FIRRM: variants seen among roughly 807,000 people sequenced by gnomAD.
FIRRM encodes FIGNL1-interacting regulator of recombination and mitosis.
the FIRRM span, among the ~76,000 whole-genome samples, chr1:169,826,342 C>T: frequency 1.3e-3 from 189 of 147,388 alleles, no homozygotes; most frequent in Admixed American, 3.2e-3. Context: ...GGATTACAGG[C>T]GTGAGCCACC....
At chr1:169,815,127 C>T in the FIRRM span, among the ~76,000 whole-genome samples, 1 of 151,808 alleles carries the variant, frequency 6.6e-6, no homozygotes, top group African/African-American at 2.4e-5. Context: ...AAAACCCCAT[C>T]TCTACTAAAA....
At chr1:169,851,979 A>G in the FIRRM span, 1 of 1,613,598 alleles carries the variant, frequency 6.2e-7, no homozygotes, top group Non-Finnish European at 8.5e-7. Flanking sequence ...AACAAGGCAA[A>G]TTCTGCCCTT....
the FIRRM span, chr1:169,851,744 T>C: frequency 6.4e-7 from 1 of 1,552,238 alleles, no homozygotes; most frequent in Non-Finnish European, 8.7e-7. Context: ...AGCACTTAAA[T>C]TATGTGGCCA....
At chr1:169,821,722 G>T in the FIRRM span, 1 of 1,611,848 alleles carries the variant, frequency 6.2e-7, no homozygotes, top group Non-Finnish European at 8.5e-7. Flanking sequence ...CTCAAATTGT[G>T]TCGTTTTTTT....
chr1:169,811,652 CTAGATAGA>C, the FIRRM span, among the ~76,000 whole-genome samples: 1 of 150,540 alleles, frequency 6.6e-6, no homozygotes, highest in African/African-American at 2.5e-5. Flanking sequence ...GAGAGCTTGT[CTAGATAGA>C]TAGATAGATA....
chr1:169,794,939 G>A, the FIRRM span: 47 of 612,534 alleles, frequency 7.7e-5, 1 homozygote, highest in South Asian at 9.0e-4. Flanking sequence ...AGAGAAGCCC[G>A]ACTTTCTTTC....
the FIRRM span, among the ~76,000 whole-genome samples, chr1:169,832,207 A>G: frequency 6.6e-6 from 1 of 152,366 alleles, no homozygotes; most frequent in East Asian, 1.9e-4. Context: ...TTAGAAATAG[A>G]AATTACAGTG....
chr1:169,793,811 T>C, the FIRRM span: 1 of 927,792 alleles, frequency 1.1e-6, no homozygotes, highest in East Asian at 2.7e-5. Flanking sequence ...GCCCAATTTC[T>C]CTTTAGCAGC....
chr1:169,788,903 C>T, the FIRRM span, among the ~76,000 whole-genome samples: 4 of 152,066 alleles, frequency 2.6e-5, no homozygotes, highest in African/African-American at 7.3e-5. Flanking sequence ...GATAACCTCC[C>T]GTATAGATGA....
the FIRRM span, among the ~76,000 whole-genome samples, chr1:169,848,583 A>G: frequency 1.3e-5 from 2 of 152,240 alleles, no homozygotes; most frequent in South Asian, 4.1e-4. Flanking sequence ...TCATAAGTTA[A>G]CAGTATCCCA....
At chr1:169,819,311 C>T in the FIRRM span, among the ~76,000 whole-genome samples, 1,755 of 152,294 alleles carry the variant, frequency 0.012, 41 homozygotes, top group African/African-American at 0.04. Context: ...CATCCCCATA[C>T]CTTCTAAGTG....
At chr1:169,836,890 C>G in the FIRRM span, 1 of 1,529,570 alleles carries the variant, frequency 6.5e-7, no homozygotes, top group South Asian at 1.2e-5. Context: ...TCTGACTTGT[C>G]TCATGTTACT....
chr1:169,817,752 AAATTT>A, the FIRRM span, among the ~76,000 whole-genome samples: 1 of 152,186 alleles, frequency 6.6e-6, no homozygotes, highest in Non-Finnish European at 1.5e-5. Flanking sequence ...AATCAGTATA[AAATTT>A]AATCAGTATA....
chr1:169,792,926 A>C, the FIRRM span: 2 of 1,614,124 alleles, frequency 1.2e-6, no homozygotes, highest in Non-Finnish European at 1.7e-6. Context: ...TAGTTGTGTT[A>C]CTTTTGGTTT....
At chr1:169,786,585 A>G in the FIRRM span, among the ~76,000 whole-genome samples, 2 of 152,188 alleles carry the variant, frequency 1.3e-5, no homozygotes, top group Admixed American at 6.5e-5. Flanking sequence ...AAAAATGCCC[A>G]CACACTGAAT....
chr1:169,837,361 A>C, the FIRRM span, among the ~76,000 whole-genome samples: 4 of 152,328 alleles, frequency 2.6e-5, no homozygotes, highest in Admixed American at 2.6e-4. Context: ...GACATGATCA[A>C]ACACACTATG....
the FIRRM span, chr1:169,826,174 G>C: frequency 5.0e-6 from 1 of 199,994 alleles, no homozygotes; most frequent in Non-Finnish European, 1.1e-5. Context: ...CCAGGTTCAA[G>C]CAATTCTCCT....
the FIRRM span, among the ~76,000 whole-genome samples, chr1:169,788,162 A>G: frequency 1.3e-5 from 2 of 152,230 alleles, no homozygotes; most frequent in Admixed American, 1.3e-4. Context: ...ATTCTATTGT[A>G]AAGGCTTAAA....
the FIRRM span, among the ~76,000 whole-genome samples, chr1:169,799,274 C>CTA: frequency 6.6e-6 from 1 of 152,236 alleles, no homozygotes; most frequent in African/African-American, 2.4e-5. Context: ...TACTGAATAG[C>CTA]TATCAGCCTC....
Sources: gnomAD v4.1 joint callset for allele counts (sites outside exome capture counted in the v4.1 genomes callset) on GRCh38, gnomAD v4.1.1 for gene constraint, MANE v1.5 for transcripts, NCBI Gene and HGNC (gene_info 2026-07-23, HGNC 2026-07-21) for gene names.